The following RARB variants were observed in gnomAD, a reference collection of about 807,000 sequenced individuals.
RARB encodes the protein HBV-activated protein.
A neutral mutation model predicts 51.9 loss-of-function variants in RARB; 17 were observed. That is an observed-to-expected ratio of 0.33 (90% confidence interval 0.22 to 0.49). The LOEUF is 0.49. Among genes scored for constraint, RARB ranks in the 20% least tolerant of loss-of-function variants. The pLI, the probability that RARB is intolerant of heterozygous loss-of-function variation, is 0.99. For missense variants in RARB, 369 were observed against 550.8 expected (o/e 0.67, Z 3.30); for synonymous variants, 215 against 195.4 (o/e 1.10, Z -0.84).
intron 5 of RARB, among the ~76,000 whole-genome samples, chr3:25,205,827 C>G (rs1559505149): frequency 6.6e-6 from 1 of 152,028 alleles, no homozygotes; most frequent in Non-Finnish European, 1.5e-5. Context: ...ACTGCAGCCT[C>G]AACCTCCTGG....
intron 2 of RARB, among the ~76,000 whole-genome samples, chr3:24,961,901 A>G (rs767577208): frequency 5.9e-5 from 8 of 135,036 alleles, no homozygotes; most frequent in Non-Finnish European, 1.3e-4. Context: ...TACAAACCTT[A>G]GTGTTCCCTT....
chr3:25,024,052 AAGCTCTACTCTC>A (rs1697693588), intron 2 of RARB, among the ~76,000 whole-genome samples: 1 of 152,202 alleles, frequency 6.6e-6, no homozygotes, highest in African/African-American at 2.4e-5. Flanking sequence ...AGGGACTATC[AAGCTCTACTCTC>A]AGAGTCTTCC....
At chr3:25,269,505 G>A (rs1024882882) in intron 5 of RARB, among the ~76,000 whole-genome samples, 24 of 152,024 alleles carry the variant, frequency 1.6e-4, no homozygotes, top group Non-Finnish European at 2.6e-4. Context: ...CAATTTCTTC[G>A]GCTGTTCAAT....
In RARB at chr3:24,852,885, G is replaced by A. The variant is rs927886967; in HGVS notation, c.-458-5789G>A. Among the ~76,000 whole-genome samples the A allele has an allele frequency of 3.3e-5, 5 of 152,300 alleles. No individual in the cohort carries two copies. In the East Asian group the frequency reaches 9.6e-4, roughly 29 times the overall value. On this transcript the variant is annotated intron_variant, in intron 1 of 11. Coordinates refer to the RARB transcript ENST00000383772. ...GCCCAGGGTTATTTTTTGGGGGGTTGTGGTGATGATGGAAATGTTCTAAAA... is the reference window on the plus strand; with the variant it reads ...GCCCAGGGTTATTTTTTGGGGGGTTATGGTGATGATGGAAATGTTCTAAAA...
chr3:24,908,727 G>A (rs1222991883), intron 2 of RARB, among the ~76,000 whole-genome samples: 2 of 134,902 alleles, frequency 1.5e-5, no homozygotes, highest in East Asian at 2.2e-4. Context: ...AGAAGGTCTA[G>A]GGAGATATTA....
intron 5 of RARB, among the ~76,000 whole-genome samples, chr3:25,406,542 CTCT>C (rs1344841940): frequency 2.0e-5 from 3 of 152,206 alleles, no homozygotes; most frequent in South Asian, 4.1e-4. Context: ...CCCCCAGTGT[CTCT>C]TCTTCTTATA....
At chr3:24,926,268 G>A (rs576905302) in intron 2 of RARB, among the ~76,000 whole-genome samples, 1 of 152,000 alleles carries the variant, frequency 6.6e-6, no homozygotes, top group South Asian at 2.1e-4. Context: ...GAGATAAATT[G>A]CGGTGGAGAG....
intron 3 of RARB, among the ~76,000 whole-genome samples, chr3:25,102,258 T>A (rs1699417156): frequency 6.6e-6 from 1 of 152,062 alleles, no homozygotes; most frequent in African/African-American, 2.4e-5. Context: ...ATGTTCAGAT[T>A]GGCTGGGCAC....
intron 3 of RARB, among the ~76,000 whole-genome samples, chr3:25,566,676 C>T (rs1352211630): frequency 6.6e-6 from 1 of 152,152 alleles, no homozygotes; most frequent in Non-Finnish European, 1.5e-5. Context: ...CTCCTGGTAA[C>T]CCTCTAGAGC....
chr3:24,846,764 A>C (rs1702490445), intron 1 of RARB, among the ~76,000 whole-genome samples: 1 of 152,098 alleles, frequency 6.6e-6, no homozygotes, highest in Non-Finnish European at 1.5e-5. Flanking sequence ...CTTCACTGTC[A>C]GTGAGAGCAC....
chr3:24,989,945 G>A lies in RARB; in HGVS notation c.-379-70180G>A, dbSNP rs1391308070. On this transcript the variant is annotated intron_variant, in intron 2 of 11. Coordinates refer to the RARB transcript ENST00000383772. ...CTCCCGAGTAGCTGGGACTACAGGCGCCCGCCACCGCGCCCGGCTAATTTT... is the reference window on the plus strand; with the variant it reads ...CTCCCGAGTAGCTGGGACTACAGGCACCCGCCACCGCGCCCGGCTAATTTT... Among the ~76,000 whole-genome samples the A allele has an allele frequency of 1.0e-4, 10 of 96,006 alleles. 2 individuals carry two copies. The East Asian group carries it at 2.0e-3, about 19-fold the overall frequency. The allele number at this position is 96,006 out of a possible 152,430, so 63.0% of individuals were successfully genotyped here. A position where few individuals can be genotyped will look rare whatever the true frequency, so the allele number is the denominator to read the frequency against.
intron 2 of RARB, among the ~76,000 whole-genome samples, chr3:24,997,994 A>T (rs1160382191): frequency 2.0e-5 from 3 of 152,062 alleles, no homozygotes; most frequent in Non-Finnish European, 2.9e-5. Flanking sequence ...TTTCTGTATC[A>T]TTTTTAACCT....
intron 3 of RARB, among the ~76,000 whole-genome samples, chr3:25,516,078 G>C (rs994586460): frequency 2.0e-5 from 3 of 152,130 alleles, no homozygotes; most frequent in African/African-American, 7.2e-5. Context: ...CTTTGAATGT[G>C]TAAGGAGCAC....
At chr3:25,160,127 C>T (rs1700449940) in intron 4 of RARB, among the ~76,000 whole-genome samples, 1 of 152,194 alleles carries the variant, frequency 6.6e-6, no homozygotes, top group African/African-American at 2.4e-5. Flanking sequence ...TTAACTGTCT[C>T]CATCATATCT....
intron 2 of RARB, among the ~76,000 whole-genome samples, chr3:25,044,527 G>A (rs898616492): frequency 1.7e-4 from 26 of 152,278 alleles, no homozygotes; most frequent in African/African-American, 5.1e-4. Context: ...AGACCTTGTC[G>A]TAGTAATCAG....
chr3:24,834,487 A>G (rs1702317599), intron 1 of RARB, among the ~76,000 whole-genome samples: 1 of 152,210 alleles, frequency 6.6e-6, no homozygotes, highest in Admixed American at 6.5e-5. Flanking sequence ...AAGTATCATC[A>G]ATGTCAACCC....
rs574995064 is a variant in RARB at position 25,254,448 on chromosome 3, G to A, written c.178+79873G>A. Among the ~76,000 whole-genome samples, 3 of 152,224 alleles carry A rather than the reference G, an allele frequency of 2.0e-5. 1 individual carries two copies. Among genetic ancestry groups the A allele is most frequent in the East Asian group, 1.9e-4 (1 of 5,178 alleles). On this transcript the variant is annotated intron_variant, in intron 5 of 11. Transcript: ENST00000383772. Reference sequence around the variant, plus strand: ...CTCATCATCTCTAAATGAACTAATAGCATTCCACTCTTGCTTTTACATAGC... The same window carrying A: ...CTCATCATCTCTAAATGAACTAATAACATTCCACTCTTGCTTTTACATAGC...
intron 2 of RARB, among the ~76,000 whole-genome samples, chr3:24,938,662 T>G (rs577956522): frequency 6.6e-6 from 1 of 152,272 alleles, no homozygotes; most frequent in South Asian, 2.1e-4. Context: ...ATCACCACTG[T>G]CCATTTATAA....
rs1705104377 is a variant in RARB at position 25,337,724 on chromosome 3, C to A, written c.179-123469C>A. 1.3e-5 allele frequency among the ~76,000 whole-genome samples: 2 copies of A among 152,104 alleles called. 1 individual carries two copies. The highest frequency in any genetic ancestry group is 4.1e-4 in the South Asian group (2 of 4,822). On this transcript the variant is annotated intron_variant, in intron 5 of 11. Transcript: ENST00000383772. ...CCCTCAGCCACCTCTAACCCTTTAC[C>A]CTGCTTTATTTTTTTGTGTGCAGCA...
Sources: allele counts gnomAD v4.1 joint callset (sites outside exome capture counted in the v4.1 genomes callset), GRCh38; gene constraint gnomAD v4.1.1; transcripts MANE v1.5; gene names NCBI Gene and HGNC (gene_info 2026-07-23, HGNC 2026-07-21).